The following PMM1 variants were observed in gnomAD, a reference collection of about 807,000 sequenced individuals.
The protein encoded by PMM1 is brain glucose-1,6-bisphosphatase.
Under a neutral mutation model 34.0 loss-of-function variants are expected in PMM1, and 25 were observed. That is an observed-to-expected ratio of 0.73 (90% confidence interval 0.54 to 1.03). The LOEUF (loss-of-function observed/expected upper bound fraction) is 1.03, where lower values mean the gene tolerates loss of function less well. Among genes scored for constraint, PMM1 ranks in the 50% least tolerant of loss-of-function variants. The pLI, the probability that PMM1 is intolerant of heterozygous loss-of-function variation, is 0.00. For missense variants in PMM1, 321 were observed against 350.1 expected, an observed-to-expected ratio of 0.92 and a Z score of 0.66; for synonymous variants, 134 against 143.9, an observed-to-expected ratio of 0.93 and a Z score of 0.49.
chr22:41,579,496 A>G (rs1247036465), intron 5 of PMM1: 1 of 153,212 alleles, frequency 6.5e-6, no homozygotes, highest in African/African-American at 2.4e-5. Context: ...TCTCCATCTC[A>G]GAGGGCCACA....
chr22:41,587,612 C>A (rs2067326768), intron 1 of PMM1, among the ~76,000 whole-genome samples: 1 of 152,056 alleles, frequency 6.6e-6, no homozygotes, highest in South Asian at 2.1e-4. Context: ...CAGAGTGAGA[C>A]CCCGGTCTCT....
chr22:41,577,237 G>C lies in PMM1; in HGVS notation c.*81C>G, dbSNP rs766807034. 23 of 1,582,826 alleles carry C rather than the reference G, an allele frequency of 1.5e-5. 1 individual carries two copies. In the South Asian group the frequency reaches 2.3e-4, roughly 16 times the overall value. ...CGTCCTGGGCCAGAGGAGGGGCCCT[G>C]GCATCTATCCAACACCAGGACCTCT... On this transcript the variant is annotated 3_prime_UTR_variant, in exon 8 of 8. Coordinates refer to ENST00000216259, the MANE Select transcript of PMM1 (RefSeq NM_002676.3).
intron 5 of PMM1, among the ~76,000 whole-genome samples, chr22:41,581,181 A>C (rs540658337): frequency 1.4e-5 from 2 of 147,148 alleles, no homozygotes; most frequent in South Asian, 4.3e-4. Context: ...AAACTTAGCC[A>C]GGTGTGGTGG....
chr22:41,589,475 A>G (rs1249026450), intron 1 of PMM1: 2 of 585,658 alleles, frequency 3.4e-6, no homozygotes, highest in Non-Finnish European at 6.1e-6. Context: ...TCCTCCCTCC[A>G]GTACTGGATC....
At chr22:41,581,108 C>T (rs1270379492) in intron 5 of PMM1, among the ~76,000 whole-genome samples, 3 of 102,910 alleles carry the variant, frequency 2.9e-5, no homozygotes, top group African/African-American at 1.0e-4. Flanking sequence ...AGTGAGACTC[C>T]ATCTCAAAAA....
At chr22:41,589,172 G>A in intron 1 of PMM1, 1 of 1,273,866 alleles carries the variant, frequency 7.9e-7, no homozygotes, top group African/African-American at 1.5e-5. Flanking sequence ...GACTGGGGGT[G>A]GAAGGTAAAG....
At chr22:41,589,458 C>T in intron 1 of PMM1, 1 of 570,192 alleles carries the variant, frequency 1.8e-6, no homozygotes, top group Non-Finnish European at 3.1e-6. Flanking sequence ...GGCCCCTGCT[C>T]GCAGCCTCCT....
rs759134164 is a variant in PMM1, at chr22:41,576,910, G to A, written c.*408C>T. 2.4e-5 allele frequency: 7 copies of A among 294,318 alleles called. No homozygotes were observed. Among genetic ancestry groups the A allele is most frequent in the African/African-American group, 1.3e-4 (6 of 45,640 alleles). The allele number at this position is 294,318 out of a possible 1,614,324, so 18.2% of individuals were successfully genotyped here. ...ACAGCTGACACCTACTTTGTTCTGG[G>A]AACTTTAATACTGTGACAAAGTTCT... On this transcript the variant is annotated 3_prime_UTR_variant, in exon 8 of 8. Coordinates refer to ENST00000216259, the MANE Select transcript of PMM1 (RefSeq NM_002676.3).
At chr22:41,585,793 G>T (rs952545173) in intron 2 of PMM1, among the ~76,000 whole-genome samples, 5 of 152,092 alleles carry the variant, frequency 3.3e-5, no homozygotes, top group Non-Finnish European at 7.4e-5. Flanking sequence ...GTGCCGGCTG[G>T]TTCAGCCCAT....
chr22:41,585,847 T>C (rs551346318), intron 2 of PMM1, among the ~76,000 whole-genome samples: 1 of 152,290 alleles, frequency 6.6e-6, no homozygotes, highest in Admixed American at 6.5e-5. Context: ...GAAATGAGAA[T>C]GTAAACTGCA....
Position 41,588,651 on chromosome 22 carries a change from T to G in PMM1, c.87+1068A>C, listed in dbSNP as rs1173503606. On this transcript the variant is annotated intron_variant, in intron 1 of 7. Transcript: ENST00000216259. The stretch of plus-strand genomic sequence containing the variant: ...ATTACAGGCGTGACCCACAAGCAAA[T>G]GGCCCACCTTTGCTCCAGTCCTGCT... 1.4e-5 allele frequency: 14 copies of G among 985,220 alleles called. No homozygotes were observed. In the Admixed American group the frequency reaches 8.6e-4, roughly 61 times the overall value. The allele number at this position is 985,220 out of a possible 1,614,324, so 61.0% of individuals were successfully genotyped here. A position where few individuals can be genotyped will look rare whatever the true frequency, so the allele number is the denominator to read the frequency against.
At chr22:41,583,842 G>C in intron 5 of PMM1, 117 bp downstream of exon 5, 2 of 717,348 alleles carry the variant, frequency 2.8e-6, no homozygotes, top group Non-Finnish European at 5.0e-6. Context: ...GTGCCTGAAA[G>C]GGTATCAGTT....
Position 41,584,348 on chromosome 22 carries a change from C to T in PMM1, c.307G>A (p.Glu103Lys). 6.2e-7 allele frequency: 1 copy of T among 1,614,148 alleles called. No individual in the cohort carries two copies. Reference protein sequence around the residue: ...KQTIQNHLGEELLQDLINFCL... With the variant: ...KQTIQNHLGEKLLQDLINFCL... ...AAGTTGATCAAGTCCTGCAGCAGCT[C>T]CTCCCCCAGGTGGTTCTGGATGGTC... Residue 103 changes from glutamate to lysine, a missense_variant, in exon 4 of 8, where the codon GAG (glutamate) becomes AAG (lysine). Glu to Lys is a moderately conservative substitution (Grantham distance 56). Transcript: ENST00000216259.
At chr22:41,587,129 C>T (rs550894180) in intron 1 of PMM1, among the ~76,000 whole-genome samples, 28 of 151,968 alleles carry the variant, frequency 1.8e-4, no homozygotes, top group African/African-American at 6.7e-4. Context: ...ATTAGCCGGG[C>T]GTGGTGGCAC....
intron 7 of PMM1, 166 bp from the exon 8 acceptor site, chr22:41,577,606 C>T (rs2067188649): frequency 1.1e-6 from 1 of 907,328 alleles, no homozygotes; most frequent in South Asian, 1.6e-5. Flanking sequence ...AGAACAAGTG[C>T]CCAGCCTCTT....
At chr22:41,585,383 A>G (rs931159848) in intron 2 of PMM1, 1 of 152,150 alleles carries the variant, frequency 6.6e-6, no homozygotes, top group African/African-American at 2.4e-5. Context: ...CCTACTCTAA[A>G]GTGTGATTGT....
intron 1 of PMM1, among the ~76,000 whole-genome samples, chr22:41,587,737 T>C (rs1336235283): frequency 6.6e-6 from 1 of 152,174 alleles, no homozygotes; most frequent in Non-Finnish European, 1.5e-5. Flanking sequence ...GGCAAATAGA[T>C]CCAGATAAAG....
intron 5 of PMM1, among the ~76,000 whole-genome samples, chr22:41,582,026 C>G: frequency 6.6e-6 from 1 of 151,508 alleles, no homozygotes; most frequent in Non-Finnish European, 1.5e-5. Context: ...TGCCTGTAGT[C>G]CCAGATACTT....
intron 1 of PMM1, among the ~76,000 whole-genome samples, chr22:41,587,540 G>A (rs1200138980): frequency 6.6e-6 from 1 of 151,738 alleles, no homozygotes; most frequent in Non-Finnish European, 1.5e-5. Flanking sequence ...AGAATCACTT[G>A]AGCCCAGGAG....
Sources: allele counts gnomAD v4.1 joint callset (sites outside exome capture counted in the v4.1 genomes callset), GRCh38; gene constraint gnomAD v4.1.1; transcripts MANE v1.5; gene names NCBI Gene and HGNC (gene_info 2026-07-23, HGNC 2026-07-21).